Variants in KIF19 observed in about 807,000 individuals in gnomAD.
KIF19 encodes kinesin-like protein KIF19.
Under a neutral mutation model 106.6 loss-of-function variants are expected in KIF19, and 98 were observed. The ratio of observed to expected loss-of-function variants is 0.92; its 90% CI spans 0.78 to 1.09. The LOEUF (loss-of-function observed/expected upper bound fraction) is 1.09. KIF19 is among the 50% of genes least tolerant of loss of function. The pLI is 0.00. For missense variants in KIF19, 1,373 were observed against 1,414.3 expected (o/e 0.97, Z 0.47); for synonymous variants, 516 against 584.2 (o/e 0.88, Z 1.68).
intron 12 of KIF19, chr17:74,351,328 CAAAAAAAAAAAA>C: frequency 1.3e-5 from 1 of 78,188 alleles, no homozygotes; most frequent in Non-Finnish European, 2.8e-5. Flanking sequence ...ACTAAAAATA[CAAAAAAAAAAAA>C]AAAAAAGCCT....
At position 74,355,271 on chromosome 17, in the gene KIF19, A is replaced by C; in HGVS notation, c.2956A>C (p.Thr986Pro). 6.2e-7 allele frequency: 1 copy of C among 1,612,442 alleles called. No homozygotes were observed. The highest frequency in any genetic ancestry group is 8.5e-7 in the Non-Finnish European group (1 of 1,179,550). ...CCGTGGGCCCCGCCTGCCCCACGGC[A>C]CAAGCACCCATGGCAAAGATGGATG... The part of the protein sequence containing the change: ...ATRGPRLPHG[T>P]STHGKDGCSR... The change falls in exon 20 of 20, where the codon ACA (threonine) becomes CCA (proline). Residue 986 changes from threonine to proline, a missense_variant. By Grantham distance (38) the Thr-to-Pro change is conservative. Transcript: ENST00000389916.
chr17:74,353,578 A>C lies in KIF19; in HGVS notation c.2305A>C (p.Lys769Gln). 6.2e-7 allele frequency: 1 copy of C among 1,613,056 alleles called. No homozygotes were observed. Among genetic ancestry groups the C allele is most frequent in the Non-Finnish European group, 8.5e-7 (1 of 1,179,312 alleles). ...CCTGTCGGAGATCCCCTTGTCCCAC[A>C]AAGGTATGTGTGCCCTCTGCTGCCC... ...ENLSEIPLSH[K>Q]ERKEILTGTK... Residue 769 changes from lysine (K) to glutamine (Q), a missense_variant, in exon 17 of 20, where the codon AAA becomes CAA. Around this residue, in one of 3 missense-constraint regions of KIF19, gnomAD observed 1,020 missense variants for 1,008.2 expected, o/e 1.01. Transcript: ENST00000389916.
chr17:74,337,015 G>C (rs1245706920), intron 2 of KIF19, among the ~76,000 whole-genome samples: 1 of 152,070 alleles, frequency 6.6e-6, no homozygotes, highest in Non-Finnish European at 1.5e-5. Flanking sequence ...TAGTATTTTA[G>C]TAGAGACGGG....
chr17:74,335,848 G>A (rs2054206660), intron 2 of KIF19, among the ~76,000 whole-genome samples: 2 of 152,248 alleles, frequency 1.3e-5, no homozygotes, highest in African/African-American at 4.8e-5. Flanking sequence ...AAGGCTGGGG[G>A]AGGAGCTGGC....
At chr17:74,335,969 G>A (rs1322726225) in intron 2 of KIF19, among the ~76,000 whole-genome samples, 1 of 152,204 alleles carries the variant, frequency 6.6e-6, no homozygotes, top group African/African-American at 2.4e-5. Flanking sequence ...ACACTGTGTG[G>A]CTTCAACAAC....
In KIF19 at chr17:74,354,763, C is replaced by G; in HGVS notation, c.2707-19C>G. On this transcript the variant is annotated intron_variant, in intron 18 of 19. Coordinates refer to ENST00000389916, the MANE Select transcript of KIF19 (RefSeq NM_153209.4). ...CCCTGTGCCGCTCTCGGCCTCACCCCACTGTTCAACCATCACAGCTCTCCC... is the reference window on the plus strand; with the variant it reads ...CCCTGTGCCGCTCTCGGCCTCACCCGACTGTTCAACCATCACAGCTCTCCC... 4 of 1,549,988 alleles carry G rather than the reference C, an allele frequency of 2.6e-6. No individual in the cohort carries two copies. The highest frequency in any genetic ancestry group is 3.5e-6 in the Non-Finnish European group (4 of 1,145,158).
chr17:74,348,948 C>A lies in KIF19; in HGVS notation c.1048-236C>A, dbSNP rs1347681469. ...AGAAAATCAGAGAGATGGGGGTGGC[C>A]CTTCAACAACGGGTGGAGGAATGAG... On this transcript the variant is annotated intron_variant, in intron 9 of 19. Coordinates refer to ENST00000389916, the MANE Select transcript of KIF19 (RefSeq NM_153209.4). 2.0e-5 allele frequency: 11 copies of A among 552,342 alleles called. No homozygotes were observed. In the East Asian group the frequency reaches 3.6e-4, roughly 18 times the overall value. 34.2% of individuals were successfully genotyped at this position (552,342 alleles called of 1,614,324 possible). A position where few individuals can be genotyped will look rare whatever the true frequency, so the allele number is the denominator to read the frequency against.
Position 74,355,655 on chromosome 17 carries a change from GCCCACGTGT to G in KIF19, c.*344_*352del. The G allele has an allele frequency of 4.7e-6, 1 of 212,084 alleles. No individual in the cohort carries two copies. Among genetic ancestry groups the G allele is most frequent in the Non-Finnish European group, 9.3e-6 (1 of 107,216 alleles). 13.1% of individuals were successfully genotyped at this position (212,084 alleles called of 1,614,324 possible). ...AGCTGACAGTGAGACGGGGCTCCTG[GCCCACGTGT>G]GGGGCACGGGCATCCTGGATGGTTG... On this transcript the variant is annotated 3_prime_UTR_variant, in exon 20 of 20. Coordinates refer to ENST00000389916, the MANE Select transcript of KIF19 (RefSeq NM_153209.4).
Position 74,352,102 on chromosome 17 carries a change from A to T in KIF19, c.1823A>T (p.Asp608Val). Residue 608 changes from aspartate (D) to valine (V), a missense_variant, in exon 13 of 20, where the codon GAC (aspartate) becomes GTC (valine). Around this residue, in one of 3 missense-constraint regions of KIF19, gnomAD observed 1,020 missense variants for 1,008.2 expected, o/e 1.01. Coordinates refer to ENST00000389916, the MANE Select transcript of KIF19 (RefSeq NM_153209.4). ...CTGGAGCAGCACCGCAGTCTCTGCG[A>T]CGAGATTATCCAGGGCCAGCGGCAG... Reference protein sequence around the residue: ...RRLEQHRSLCDEIIQGQRQII... With the variant: ...RRLEQHRSLCVEIIQGQRQII... The T allele has an allele frequency of 6.3e-7, 1 of 1,588,386 alleles. No homozygotes were observed. The highest frequency in any genetic ancestry group is 8.6e-7 in the Non-Finnish European group (1 of 1,165,698).
chr17:74,354,345 G>A lies in KIF19; in HGVS notation c.2492G>A (p.Arg831Gln), dbSNP rs200740309. 1.0e-5 allele frequency: 16 copies of A among 1,606,048 alleles called. No homozygotes were observed. Among genetic ancestry groups the A allele is most frequent in the South Asian group, 7.7e-5 (7 of 90,382 alleles). ...ARPPGPLACK[R>Q]PPSPTLQHAA... is the part of the protein sequence containing the mutation. The stretch of plus-strand genomic sequence containing the variant: ...CCACCAGGCCCACTGGCCTGCAAGC[G>A]GCCGCCCAGCCCCACACTACAGCAT... The change falls in exon 18 of 20, where the codon CGG becomes CAG. Residue 831 changes from arginine to glutamine, a missense_variant. Arg to Gln is a conservative substitution (Grantham distance 43). Around this residue, in one of 3 missense-constraint regions of KIF19, gnomAD observed 1,020 missense variants for 1,008.2 expected, o/e 1.01. Coordinates refer to ENST00000389916, the MANE Select transcript of KIF19 (RefSeq NM_153209.4).
intron 17 of KIF19, 51 bp downstream of exon 17, chr17:74,353,632 G>A (rs1277414026): frequency 3.5e-6 from 5 of 1,441,992 alleles, no homozygotes; most frequent in African/African-American, 1.4e-5. Flanking sequence ...TGTCTAAACT[G>A]TTCAGATCAC....
chr17:74,344,826 G>A lies in KIF19; in HGVS notation c.648G>A (p.Thr216=), dbSNP rs34914485. 7.1e-3 allele frequency: 11,527 copies of A among 1,612,548 alleles called. 607 individuals carry two copies. In the African/African-American group the frequency reaches 0.12, roughly 17 times the overall value. ...AGGAGCCCACGGCCGCCAACCAGAC[G>A]TCCTCCCGCTCCCACGCGGTACTGC... ...RTQEPTAANQ[T]SSRSHAVLQV... Residue 216 remains threonine, a synonymous_variant, in exon 7 of 20, where the codon ACG becomes ACA. Transcript: ENST00000389916.
At chr17:74,335,921 G>A (rs1389307449) in intron 2 of KIF19, among the ~76,000 whole-genome samples, 1 of 152,246 alleles carries the variant, frequency 6.6e-6, no homozygotes, top group Non-Finnish European at 1.5e-5. Context: ...TGCCTTGGAT[G>A]TTGTATTAGT....
At chr17:74,334,536 A>G (rs770054888) in intron 2 of KIF19, among the ~76,000 whole-genome samples, 21 of 152,164 alleles carry the variant, frequency 1.4e-4, no homozygotes, top group Non-Finnish European at 2.8e-4. Flanking sequence ...GACATCAGCC[A>G]GGTGTGGCTG....
rs1327260774 is a variant in KIF19, at chr17:74,355,351, CTGAA to C, written c.*42_*45del. On this transcript the variant is annotated 3_prime_UTR_variant, in exon 20 of 20. Coordinates refer to ENST00000389916, the MANE Select transcript of KIF19 (RefSeq NM_153209.4). ...GAACTGGCTCTCTCACCTCCCAAGA[CTGAA>C]TGGGGTCTAGCAGGGCATGGGAGGT... 6.4e-7 allele frequency: 1 copy of C among 1,563,124 alleles called. No homozygotes were observed. The highest frequency in any genetic ancestry group is 1.4e-5 in the African/African-American group (1 of 73,972).
chr17:74,349,119 G>A lies in KIF19; in HGVS notation c.1048-65G>A, dbSNP rs185598644. 1.3e-4 allele frequency: 207 copies of A among 1,571,898 alleles called. No individual in the cohort carries two copies. In the African/African-American group the frequency reaches 2.5e-3, roughly 19 times the overall value. On this transcript the variant is annotated intron_variant, in intron 9 of 19. Transcript: ENST00000389916. ...AGGCAGGGGGAAGAAAGGCCCTGCA[G>A]GCAGGCCTCGGTGAGTGCACCTGGG...
At chr17:74,339,531 AGGGG>A (rs2054302509) in intron 2 of KIF19, among the ~76,000 whole-genome samples, 1 of 150,620 alleles carries the variant, frequency 6.6e-6, no homozygotes, top group African/African-American at 2.5e-5. Context: ...CCACTGAAAG[AGGGG>A]ACCAATGAGA....
intron 7 of KIF19, among the ~76,000 whole-genome samples, chr17:74,345,579 A>G (rs2054511651): frequency 6.6e-6 from 1 of 152,100 alleles, no homozygotes; most frequent in Non-Finnish European, 1.5e-5. Flanking sequence ...CAGCTGGTGT[A>G]GGTCTGGGCT....
chr17:74,355,079 A>G, intron 19 of KIF19, 103 bp from the exon 20 acceptor site: 2 of 1,542,346 alleles, frequency 1.3e-6, no homozygotes, highest in Non-Finnish European at 8.8e-7. Flanking sequence ...TGGGACTGGC[A>G]TCCTGGGGTG....
Sources: gnomAD v4.1 joint callset for allele counts (sites outside exome capture counted in the v4.1 genomes callset) on GRCh38, gnomAD v4.1.1 for gene constraint, gnomAD v4.1.1 regional missense constraint, MANE v1.5 for transcripts, NCBI Gene and HGNC (gene_info 2026-07-23, HGNC 2026-07-21) for gene names.